The following NELL1 variants were observed in gnomAD, a reference collection of about 807,000 sequenced individuals.
NELL1 encodes the protein protein kinase C-binding protein NELL1.
NELL1 carries 76 observed loss-of-function variants against 107.4 expected under a neutral mutation model. The ratio of observed to expected loss-of-function variants is 0.71; its 90% CI spans 0.59 to 0.86. NELL1 has a LOEUF of 0.86. NELL1 is among the 40% of genes least tolerant of loss of function. NELL1 has a pLI of 0.00. For synonymous variants in NELL1, 353 were observed against 341.2 expected, an observed-to-expected ratio of 1.03 and a Z score of -0.38; for missense variants, 1,024 against 1,005.5, an observed-to-expected ratio of 1.02 and a Z score of -0.25.
At chr11:21,244,395 A>G (rs539781922) in intron 14 of NELL1, among the ~76,000 whole-genome samples, 39 of 152,252 alleles carry the variant, frequency 2.6e-4, no homozygotes, top group African/African-American at 9.1e-4. Flanking sequence ...GGATAGGGAA[A>G]CATGGCAATT....
chr11:21,340,376 T>A (rs1275511943), intron 14 of NELL1, among the ~76,000 whole-genome samples: 1 of 152,092 alleles, frequency 6.6e-6, no homozygotes, highest in African/African-American at 2.4e-5. Context: ...ATGGTCTCGA[T>A]CTCCTGACCT....
intron 15 of NELL1, among the ~76,000 whole-genome samples, chr11:21,406,728 G>A (rs1852245893): frequency 6.6e-6 from 1 of 151,690 alleles, no homozygotes; most frequent in Non-Finnish European, 1.5e-5. Context: ...AGATTTCTGG[G>A]GTACATGTGA....
intron 15 of NELL1, among the ~76,000 whole-genome samples, chr11:21,436,101 G>A (rs1318360067): frequency 5.3e-5 from 8 of 152,002 alleles, no homozygotes; most frequent in African/African-American, 1.9e-4. Context: ...TCTGTTGCCA[G>A]GCTAGAGTAC....
intron 2 of NELL1, among the ~76,000 whole-genome samples, chr11:20,756,959 G>C (rs568005987): frequency 6.6e-6 from 1 of 152,214 alleles, no homozygotes; most frequent in African/African-American, 2.4e-5. Flanking sequence ...CATATCACTA[G>C]TATATTGGAG....
At chr11:21,554,370 C>T (rs1856657861) in intron 16 of NELL1, among the ~76,000 whole-genome samples, 1 of 151,800 alleles carries the variant, frequency 6.6e-6, no homozygotes, top group African/African-American at 2.4e-5. Context: ...TCAGAGAAAG[C>T]TTTTAATGTT....
intron 16 of NELL1, among the ~76,000 whole-genome samples, chr11:21,545,626 G>A (rs563818965): frequency 1.3e-5 from 2 of 151,590 alleles, no homozygotes; most frequent in East Asian, 3.9e-4. Context: ...AGACCTTGAA[G>A]TTGATAAGCA....
chr11:20,992,828 C>T (rs898333249), intron 12 of NELL1, among the ~76,000 whole-genome samples: 17 of 150,682 alleles, frequency 1.1e-4, no homozygotes, highest in African/African-American at 3.9e-4. Context: ...CATTCTCCTG[C>T]CTCAGCCTCC....
intron 15 of NELL1, among the ~76,000 whole-genome samples, chr11:21,464,792 C>T (rs371086156): frequency 4.6e-5 from 7 of 152,070 alleles, no homozygotes; most frequent in African/African-American, 1.7e-4. Context: ...AGTCACCATA[C>T]TCTTTTAGTG....
intron 13 of NELL1, among the ~76,000 whole-genome samples, chr11:21,220,512 A>G (rs1343640435): frequency 1.3e-5 from 2 of 152,146 alleles, no homozygotes; most frequent in Non-Finnish European, 2.9e-5. Flanking sequence ...TGAACATGGA[A>G]TAGTTTTACA....
chr11:21,460,201 G>GA (rs142455711), intron 15 of NELL1, among the ~76,000 whole-genome samples: 6,765 of 151,766 alleles, frequency 0.045, 332 homozygotes, highest in East Asian at 0.17. Context: ...AAAATGCACA[G>GA]AAAAAAAATA....
At chr11:21,258,235 G>A (rs1325042888) in intron 14 of NELL1, among the ~76,000 whole-genome samples, 1 of 151,984 alleles carries the variant, frequency 6.6e-6, no homozygotes. Context: ...TTCCTCCAGT[G>A]TCAGAGCCAG....
chr11:20,826,883 A>G (rs1857896702), intron 3 of NELL1, among the ~76,000 whole-genome samples: 1 of 151,254 alleles, frequency 6.6e-6, no homozygotes, highest in Non-Finnish European at 1.5e-5. Flanking sequence ...GCTGAGTTGA[A>G]GGGAAGGGAA....
intron 15 of NELL1, among the ~76,000 whole-genome samples, chr11:21,487,508 T>G (rs1351071216): frequency 6.6e-6 from 1 of 151,946 alleles, no homozygotes; most frequent in African/African-American, 2.4e-5. Flanking sequence ...CTCATAAAAC[T>G]GTAATACTGA....
intron 13 of NELL1, among the ~76,000 whole-genome samples, chr11:21,178,777 A>G (rs1856763242): frequency 6.7e-6 from 1 of 149,254 alleles, no homozygotes; most frequent in African/African-American, 2.5e-5. Flanking sequence ...AAAAAAAAAA[A>G]GTTTTTCTGT....
intron 19 of NELL1, 25 bp downstream of exon 19, chr11:21,573,434 G>A: frequency 6.3e-7 from 1 of 1,598,450 alleles, no homozygotes. Flanking sequence ...TGCGGATATT[G>A]AAGCCTTGAA....
chr11:21,348,987 C>T (rs756993128), intron 14 of NELL1, among the ~76,000 whole-genome samples: 1 of 152,244 alleles, frequency 6.6e-6, no homozygotes, highest in Non-Finnish European at 1.5e-5. Context: ...AGAGCCTTCA[C>T]AGGTCTTTAT....
intron 3 of NELL1, among the ~76,000 whole-genome samples, chr11:20,815,058 T>C (rs959580749): frequency 6.6e-6 from 1 of 152,078 alleles, no homozygotes; most frequent in Admixed American, 6.6e-5. Flanking sequence ...CTCTCTCTGC[T>C]TTTTGTTTGT....
chr11:21,477,589 A>G (rs979953918), intron 15 of NELL1, among the ~76,000 whole-genome samples: 4 of 152,124 alleles, frequency 2.6e-5, no homozygotes, highest in Non-Finnish European at 4.4e-5. Context: ...AAGGATGGGT[A>G]CAAATAAGCC....
At chr11:21,448,620 G>A (rs1853504197) in intron 15 of NELL1, among the ~76,000 whole-genome samples, 1 of 152,158 alleles carries the variant, frequency 6.6e-6, no homozygotes, top group Admixed American at 6.5e-5. Flanking sequence ...AATTTGATAA[G>A]TTTTTATGTG....
Sources: gnomAD v4.1 joint callset for allele counts (sites outside exome capture counted in the v4.1 genomes callset) on GRCh38, gnomAD v4.1.1 for gene constraint, MANE v1.5 for transcripts, NCBI Gene and HGNC (gene_info 2026-07-23, HGNC 2026-07-21) for gene names.